Variants in TLN2 observed in about 807,000 individuals in gnomAD.
TLN2 encodes the protein talin 2.
A neutral mutation model predicts 294.7 loss-of-function variants in TLN2; 118 were observed. That is an observed-to-expected ratio of 0.40 (90% CI 0.34 to 0.47). The LOEUF (loss-of-function observed/expected upper bound fraction) is 0.47, where lower values mean the gene tolerates loss of function less well. Among genes scored for constraint, TLN2 ranks in the 20% least tolerant of loss-of-function variants. TLN2 has a pLI of 0.84. For synonymous variants in TLN2, 1,431 were observed against 1,304.5 expected (o/e 1.10, Z -2.09); for missense variants, 3,083 against 3,282.2 (o/e 0.94, Z 1.48).
intron 3 of TLN2, 136 bp from the exon 4 acceptor site, chr15:62,647,139 G>T: frequency 3.6e-6 from 3 of 841,078 alleles, no homozygotes; most frequent in Non-Finnish European, 5.3e-6. Flanking sequence ...TGTACCTAAA[G>T]TGTACTCTTT....
intron 1 of TLN2, among the ~76,000 whole-genome samples, chr15:62,525,413 A>G (rs938393495): frequency 2.0e-5 from 3 of 152,194 alleles, no homozygotes; most frequent in Admixed American, 2.0e-4. Context: ...TTTATTGAAT[A>G]CATCCTGCTG....
intron 1 of TLN2, among the ~76,000 whole-genome samples, chr15:62,486,452 G>GTTTTTTTTTT (rs34975634): frequency 6.4e-5 from 6 of 93,292 alleles, no homozygotes; most frequent in African/African-American, 1.3e-4. Flanking sequence ...CAGTTCCTTT[G>GTTTTTTTTTT]TTTTTTTTTT....
intron 31 of TLN2, chr15:62,740,335 T>C: frequency 3.3e-6 from 1 of 302,262 alleles, no homozygotes; most frequent in Non-Finnish European, 6.2e-6. Flanking sequence ...CTCACTCTCC[T>C]CCCACCCTGC....
intron 1 of TLN2, among the ~76,000 whole-genome samples, chr15:62,575,283 G>A (rs186528734): frequency 1.2e-3 from 184 of 152,262 alleles, no homozygotes; most frequent in Non-Finnish European, 2.2e-3. Flanking sequence ...TTGTGCCATA[G>A]CACTCCAGCG....
chr15:62,407,519 T>G (rs1028326631), intron 1 of TLN2, among the ~76,000 whole-genome samples: 2 of 152,210 alleles, frequency 1.3e-5, no homozygotes, highest in African/African-American at 4.8e-5. Context: ...AAATGTACCC[T>G]ATCATGGACA....
chr15:62,809,885 T>C (rs2066561374), intron 51 of TLN2, 40 bp from the exon 52 acceptor site: 1 of 1,599,834 alleles, frequency 6.3e-7, no homozygotes, highest in African/African-American at 1.3e-5. Context: ...AATGCTGGCT[T>C]TTCCCATGTT....
chr15:62,597,953 T>A (rs954983229), intron 2 of TLN2, among the ~76,000 whole-genome samples: 13 of 152,184 alleles, frequency 8.5e-5, no homozygotes, highest in African/African-American at 3.1e-4. Flanking sequence ...ACTCAGAAAG[T>A]TTCAGACTTT....
At chr15:62,661,092 A>G (rs921267548) in intron 9 of TLN2, among the ~76,000 whole-genome samples, 2 of 152,196 alleles carry the variant, frequency 1.3e-5, no homozygotes, top group African/African-American at 4.8e-5. Flanking sequence ...CCACAACAAA[A>G]CATAATAATG....
intron 1 of TLN2, among the ~76,000 whole-genome samples, chr15:62,391,752 G>A (rs2032105141): frequency 1.3e-5 from 2 of 152,376 alleles, no homozygotes; most frequent in Admixed American, 6.5e-5. Context: ...GCTTGGGAAC[G>A]AGAGCCGCCG....
intron 54 of TLN2, among the ~76,000 whole-genome samples, chr15:62,825,438 G>T (rs1406004392): frequency 6.6e-6 from 1 of 151,800 alleles, no homozygotes; most frequent in Non-Finnish European, 1.5e-5. Context: ...TATGGTGAAG[G>T]GAAAAAGGAA....
At chr15:62,540,802 G>T (rs1055495503) in intron 1 of TLN2, among the ~76,000 whole-genome samples, 16 of 152,188 alleles carry the variant, frequency 1.1e-4, no homozygotes, top group Non-Finnish European at 2.2e-4. Context: ...GGGTGGAAAG[G>T]CAGAATTAAT....
chr15:62,717,661 C>T lies in TLN2; in HGVS notation c.2849C>T (p.Ala950Val), dbSNP rs2059868213. ...GCTGTTTCCAACAAGAACCCTGCGG[C>T]CCAGCAGCAGCTGGTCCAGAGTTGC... ...NAAVSNKNPA[A>V]QQQLVQSCKA... The change falls in exon 24 of 59, where the codon GCC (alanine) becomes GTC (valine). Residue 950 changes from alanine to valine, a missense_variant. Transcript: ENST00000636159. The T allele has an allele frequency of 1.2e-6, 2 of 1,601,492 alleles. No individual in the cohort carries two copies. The highest frequency in any genetic ancestry group is 1.3e-5 in the African/African-American group (1 of 74,666).
At position 62,740,766 on chromosome 15, in the gene TLN2, C is replaced by T; in HGVS notation, c.4022C>T (p.Ala1341Val). The T allele has an allele frequency of 1.9e-6, 3 of 1,614,182 alleles. No individual in the cohort carries two copies. The highest frequency in any genetic ancestry group is 1.3e-5 in the African/African-American group (1 of 75,040). The change falls in exon 32 of 59, where the codon GCA (alanine) becomes GTA (valine). Residue 1341 changes from alanine to valine, a missense_variant. Ala to Val is a moderately conservative substitution (Grantham distance 64). Coordinates refer to ENST00000636159, the MANE Select transcript of TLN2 (RefSeq NM_015059.3). ...GCGAAAAATCTCCTGGCTGCAGCTG[C>T]AAGGTAGGAGTGGGACACAATGTGC... ...PNAKNLLAAA[A>V]RAVTESINQL...
chr15:62,759,170 G>GTATT (rs760975856), intron 37 of TLN2, among the ~76,000 whole-genome samples: 1 of 152,190 alleles, frequency 6.6e-6, no homozygotes, highest in Non-Finnish European at 1.5e-5. Context: ...TCACCACTGG[G>GTATT]CAGCTTTGAG....
rs71287048 is a variant in TLN2 at position 62,710,720 on chromosome 15, C to CTTTTTTT, written c.2468-1172_2468-1166dup. Among the ~76,000 whole-genome samples the CTTTTTTT allele has an allele frequency of 1.9e-3, 147 of 77,076 alleles. 1 individual carries two copies. The highest frequency in any genetic ancestry group is 4.2e-3 in the East Asian group (8 of 1,890). 50.6% of individuals were successfully genotyped at this position (77,076 alleles called of 152,430 possible). A position where few individuals can be genotyped will look rare whatever the true frequency, so the allele number is the denominator to read the frequency against. On this transcript the variant is annotated intron_variant, in intron 21 of 58. Coordinates refer to ENST00000636159, the MANE Select transcript of TLN2 (RefSeq NM_015059.3). The stretch of plus-strand genomic sequence containing the variant: ...TTTCATCAGTTTTTCTGCTGATGTC[C>CTTTTTTT]TTTTTTTTTTTTTTTTTTTTTTTTT...
chr15:62,688,149 T>TA (rs910878887), intron 12 of TLN2, among the ~76,000 whole-genome samples: 1 of 152,118 alleles, frequency 6.6e-6, no homozygotes, highest in African/African-American at 2.4e-5. Context: ...AAAATTTATT[T>TA]AAAAAATGAA....
chr15:62,675,356 G>A (rs375157816), intron 11 of TLN2, 35 bp downstream of exon 11: 31 of 1,590,276 alleles, frequency 1.9e-5, no homozygotes, highest in Admixed American at 1.0e-4. Flanking sequence ...TGTTCACCTT[G>A]GCCCCTTCTT....
intron 3 of TLN2, among the ~76,000 whole-genome samples, chr15:62,626,630 G>C (rs1268198020): frequency 6.6e-6 from 1 of 152,168 alleles, no homozygotes; most frequent in East Asian, 1.9e-4. Context: ...AGACATGATG[G>C]CATGGGCTGC....
chr15:62,409,395 AT>A (rs2140250547), intron 1 of TLN2, among the ~76,000 whole-genome samples: 1 of 152,228 alleles, frequency 6.6e-6, no homozygotes, highest in East Asian at 1.9e-4. Flanking sequence ...ATACTGTTAG[AT>A]TGTTTATATT....
Sources: gnomAD v4.1 joint callset for allele counts (sites outside exome capture counted in the v4.1 genomes callset) on GRCh38, gnomAD v4.1.1 for gene constraint, MANE v1.5 for transcripts, NCBI Gene and HGNC (gene_info 2026-07-23, HGNC 2026-07-21) for gene names.